PTPRG: variants seen among roughly 807,000 people sequenced by gnomAD.
The protein encoded by PTPRG is receptor-type tyrosine-protein phosphatase gamma.
In PTPRG, 102 loss-of-function variants were observed where a neutral mutation model predicts 165.3. The observed-to-expected ratio is 0.62, with a 90% confidence interval of 0.53 to 0.73. The LOEUF is 0.73. Among genes scored for constraint, PTPRG ranks in the 30% least tolerant of loss-of-function variants. The probability of loss-of-function intolerance (pLI) is 0.00; values close to 1 mark genes in which losing one functional copy is unlikely to be tolerated. For synonymous variants in PTPRG, 675 were observed against 669.5 expected, an observed-to-expected ratio of 1.01 and a Z score of -0.13; for missense variants, 1,866 against 1,861.4, an observed-to-expected ratio of 1.00 and a Z score of -0.05.
Position 62,233,535 on chromosome 3 carries a change from C to T in PTPRG, c.2375+2224C>T, listed in dbSNP as rs1053898096. On this transcript the variant is annotated intron_variant, in intron 14 of 29. Coordinates refer to ENST00000474889, the MANE Select transcript of PTPRG (RefSeq NM_002841.4). This position sits in a 1 kb window ranked among gnomAD's most constrained non-coding sequence, Gnocchi z 4.7. ...TCTCTCACCTTTGCCTTTTTCATTC[C>T]GCTCTCATTTTCTTTCCTGGCTTGT... 1.3e-5 allele frequency among the ~76,000 whole-genome samples: 2 copies of T among 152,140 alleles called. No homozygotes were observed. Among genetic ancestry groups the T allele is most frequent in the South Asian group, 2.1e-4 (1 of 4,828 alleles).
intron 3 of PTPRG, among the ~76,000 whole-genome samples, chr3:61,997,287 T>G (rs1197463038): frequency 6.6e-6 from 1 of 152,226 alleles, no homozygotes; most frequent in African/African-American, 2.4e-5. Context: ...AGTAATCTAC[T>G]TAGTTCCCTA....
intron 2 of PTPRG, among the ~76,000 whole-genome samples, chr3:61,963,862 C>G (rs2040210641): frequency 6.6e-6 from 1 of 150,834 alleles, no homozygotes; most frequent in African/African-American, 2.4e-5. Context: ...AAAATATGTG[C>G]AATATATATT....
chr3:61,575,286 A>T (rs1181118290), intron 1 of PTPRG, among the ~76,000 whole-genome samples: 2 of 152,142 alleles, frequency 1.3e-5, no homozygotes, highest in African/African-American at 4.8e-5. Flanking sequence ...CCACATAAAC[A>T]AAGGATTTTG....
rs185857795 is a variant in PTPRG at position 61,608,141 on chromosome 3, G to A, written c.85+45769G>A. 3.7e-4 allele frequency among the ~76,000 whole-genome samples: 56 copies of A among 151,514 alleles called. 1 individual carries two copies. In the East Asian group the frequency reaches 1.0e-2, roughly 27 times the overall value. ...CTTGCCAGGGCAGAAGGCTTATCGG[G>A]GATGCTGTTTGATGCCTTGTCAGCA... On this transcript the variant is annotated intron_variant, in intron 1 of 29. Transcript: ENST00000474889.
intron 2 of PTPRG, among the ~76,000 whole-genome samples, chr3:61,988,158 A>G (rs1288625773): frequency 6.6e-6 from 1 of 152,118 alleles, no homozygotes; most frequent in Non-Finnish European, 1.5e-5. Flanking sequence ...TCTGTTTTTA[A>G]TCTTACTCTT....
At chr3:61,809,712 G>A (rs892001875) in intron 2 of PTPRG, among the ~76,000 whole-genome samples, 6 of 152,074 alleles carry the variant, frequency 3.9e-5, no homozygotes, top group Non-Finnish European at 1.5e-5. Flanking sequence ...TAATATGAAG[G>A]GGAATAGAAA....
chr3:61,732,577 C>T (rs181309404), intron 1 of PTPRG, among the ~76,000 whole-genome samples: 61 of 150,560 alleles, frequency 4.1e-4, no homozygotes, highest in African/African-American at 1.4e-3. Context: ...CGCATGATGG[C>T]GAGCACCTGT....
At chr3:62,065,306 C>G (rs1276017683) in intron 4 of PTPRG, among the ~76,000 whole-genome samples, 5 of 152,054 alleles carry the variant, frequency 3.3e-5, no homozygotes, top group Admixed American at 2.6e-4. Context: ...TTGTGGAGCC[C>G]TTGAAGATTC....
At chr3:61,577,882 A>T (rs534930142) in intron 1 of PTPRG, among the ~76,000 whole-genome samples, 1 of 152,274 alleles carries the variant, frequency 6.6e-6, no homozygotes, top group South Asian at 2.1e-4. Flanking sequence ...TGCCTCTGGG[A>T]TATTCCGGGT....
At chr3:62,264,296 G>C (rs1701793084) in intron 17 of PTPRG, among the ~76,000 whole-genome samples, 1 of 151,934 alleles carries the variant, frequency 6.6e-6, no homozygotes, top group Non-Finnish European at 1.5e-5. Flanking sequence ...CTGGGGAACA[G>C]AGCAAGACCT....
At chr3:62,056,310 A>G (rs1700632784) in intron 4 of PTPRG, among the ~76,000 whole-genome samples, 1 of 152,226 alleles carries the variant, frequency 6.6e-6, no homozygotes, top group South Asian at 2.1e-4. Context: ...TATTCTATTT[A>G]GTCTAAATCA....
intron 2 of PTPRG, among the ~76,000 whole-genome samples, chr3:61,876,851 CT>C (rs1429512084): frequency 1.3e-5 from 2 of 152,128 alleles, no homozygotes; most frequent in Non-Finnish European, 2.9e-5. Context: ...ATACTTCTGC[CT>C]AATATCATTT....
At chr3:61,687,493 C>G (rs1169371388) in intron 1 of PTPRG, among the ~76,000 whole-genome samples, 1 of 152,220 alleles carries the variant, frequency 6.6e-6, no homozygotes, top group Non-Finnish European at 1.5e-5. Flanking sequence ...CTGACTTGAT[C>G]TGGCTAAACA....
intron 6 of PTPRG, among the ~76,000 whole-genome samples, chr3:62,140,673 C>A (rs1285659394): frequency 6.6e-6 from 1 of 151,794 alleles, no homozygotes; most frequent in South Asian, 2.1e-4. Context: ...ATGGTGAAAC[C>A]CCTTCTCTAC....
chr3:61,723,240 A>G (rs1559575101), intron 1 of PTPRG, among the ~76,000 whole-genome samples: 1 of 152,110 alleles, frequency 6.6e-6, no homozygotes, highest in Non-Finnish European at 1.5e-5. Context: ...AGGAAGTTAC[A>G]GATTTAAAGT....
Position 61,938,979 on chromosome 3 carries a change from A to G in PTPRG, c.191-50646A>G, listed in dbSNP as rs539676485. Among the ~76,000 whole-genome samples the G allele has an allele frequency of 1.4e-3, 210 of 152,324 alleles. 2 individuals carry two copies. The highest frequency in any genetic ancestry group is 4.8e-3 in the African/African-American group (200 of 41,566). On this transcript the variant is annotated intron_variant, in intron 2 of 29. Transcript: ENST00000474889. ...AATGGAAAAGTAGATTCAGACATCA[A>G]TCATATTTGCTTGGGATCACCCCCT...
chr3:61,972,928 G>T (rs1340514332), intron 2 of PTPRG, among the ~76,000 whole-genome samples: 2 of 152,024 alleles, frequency 1.3e-5, no homozygotes, highest in Non-Finnish European at 2.9e-5. Flanking sequence ...TAAAGTGTTG[G>T]GCTTATAGGC....
intron 5 of PTPRG, among the ~76,000 whole-genome samples, chr3:62,125,235 C>T (rs1259931924): frequency 6.6e-6 from 1 of 152,146 alleles, no homozygotes; most frequent in Non-Finnish European, 1.5e-5. Flanking sequence ...ATAATCTTAC[C>T]TACTCCTATG....
chr3:62,167,211 T>C (rs777441700), intron 7 of PTPRG, among the ~76,000 whole-genome samples: 12 of 152,200 alleles, frequency 7.9e-5, no homozygotes, highest in Non-Finnish European at 1.8e-4. Context: ...TGTTTTACAG[T>C]TGTGGATACT....
Sources: allele counts gnomAD v4.1 joint callset (sites outside exome capture counted in the v4.1 genomes callset), GRCh38; gene constraint gnomAD v4.1.1; non-coding constraint Gnocchi (gnomAD v3.1); transcripts MANE v1.5; gene names NCBI Gene and HGNC (gene_info 2026-07-23, HGNC 2026-07-21).